The following DISC1 variants were observed in gnomAD, a reference collection of about 807,000 sequenced individuals.
DISC1 encodes DISC1 scaffold protein.
Under a neutral mutation model 84.5 loss-of-function variants are expected in DISC1, and 57 were observed. The observed-to-expected ratio is 0.67, with a 90% confidence interval of 0.55 to 0.84. The LOEUF (loss-of-function observed/expected upper bound fraction) is 0.84, where lower values mean the gene tolerates loss of function less well. DISC1 is among the 40% of genes least tolerant of loss of function. DISC1 has a pLI of 0.00. For missense variants in DISC1, 1,000 were observed against 1,057.8 expected (o/e 0.95, Z 0.76); for synonymous variants, 411 against 415.2 (o/e 0.99, Z 0.12).
At chr1:231,702,760 G>C (rs1308661019) in intron 3 of DISC1, 1 of 207,532 alleles carries the variant, frequency 4.8e-6, no homozygotes, top group Non-Finnish European at 8.4e-6. Flanking sequence ...TCAAAGGAAA[G>C]CTTTCAGGTA....
At chr1:231,798,342 G>T (rs1046207646) in intron 7 of DISC1, among the ~76,000 whole-genome samples, 1 of 152,112 alleles carries the variant, frequency 6.6e-6, no homozygotes, top group Non-Finnish European at 1.5e-5. Flanking sequence ...GAGCCTGAAA[G>T]AATGAACATT....
At chr1:231,655,000 T>C (rs1207828641) in intron 1 of DISC1, among the ~76,000 whole-genome samples, 1 of 152,214 alleles carries the variant, frequency 6.6e-6, no homozygotes, top group African/African-American at 2.4e-5. Flanking sequence ...CTCCTCAGAC[T>C]TTAGAAGCAG....
intron 1 of DISC1, among the ~76,000 whole-genome samples, chr1:231,641,091 A>G (rs2059612977): frequency 6.6e-6 from 1 of 152,230 alleles, no homozygotes; most frequent in Non-Finnish European, 1.5e-5. Context: ...GGAACTGTCA[A>G]GGTTCCCCAT....
At chr1:231,925,232 A>G (rs921040232) in intron 9 of DISC1, among the ~76,000 whole-genome samples, 9 of 152,304 alleles carry the variant, frequency 5.9e-5, no homozygotes, top group East Asian at 5.8e-4. Flanking sequence ...CACTGCTTGC[A>G]TGATCTTAGA....
intron 9 of DISC1, 97 bp downstream of exon 9, chr1:231,818,614 G>C: frequency 1.3e-6 from 2 of 1,552,098 alleles, no homozygotes; most frequent in Non-Finnish European, 8.7e-7. Context: ...GAACGTCACT[G>C]TGAAGAGCGT....
At chr1:231,854,164 G>A (rs2084096472) in intron 9 of DISC1, among the ~76,000 whole-genome samples, 1 of 152,110 alleles carries the variant, frequency 6.6e-6, no homozygotes, top group Non-Finnish European at 1.5e-5. Context: ...TTGTCTGGTG[G>A]GCCTGAGTTT....
At chr1:231,860,848 T>C (rs2084590675) in intron 9 of DISC1, among the ~76,000 whole-genome samples, 1 of 152,208 alleles carries the variant, frequency 6.6e-6, no homozygotes, top group African/African-American at 2.4e-5. Context: ...GACAAATCTT[T>C]CTAATCTAAG....
In DISC1 at chr1:232,031,345, G is replaced by T. The variant is rs555423787; in HGVS notation, c.2425+4793G>T. ...GAAAAGGAAAGGAAAAGGAAAAGAG[G>T]AAAGAAAAGGAAAGGGAAGGGAGAG... On this transcript the variant is annotated intron_variant, in intron 12 of 12. Coordinates refer to ENST00000439617, the MANE Select transcript of DISC1 (RefSeq NM_018662.3). This position sits in a 1 kb window ranked among gnomAD's most constrained non-coding sequence, Gnocchi z 4.6. Among the ~76,000 whole-genome samples the T allele has an allele frequency of 1.1e-4, 15 of 136,784 alleles. No individual in the cohort carries two copies. The East Asian group carries it at 2.9e-3, about 27-fold the overall frequency. 89.7% of individuals were successfully genotyped at this position (136,784 alleles called of 152,430 possible).
intron 8 of DISC1, among the ~76,000 whole-genome samples, chr1:231,803,146 AC>A (rs1381138100): frequency 2.6e-5 from 4 of 152,170 alleles, no homozygotes; most frequent in Non-Finnish European, 5.9e-5. Flanking sequence ...GGGAGAATCC[AC>A]ACCCAAGACG....
chr1:231,865,630 G>T (rs2084999814), intron 9 of DISC1, among the ~76,000 whole-genome samples: 1 of 152,200 alleles, frequency 6.6e-6, no homozygotes, highest in Admixed American at 6.5e-5. Flanking sequence ...CCAGCCTCTG[G>T]CAACCTCTGT....
At chr1:231,777,206 C>CT (rs1286225465) in intron 6 of DISC1, among the ~76,000 whole-genome samples, 7 of 151,912 alleles carry the variant, frequency 4.6e-5, no homozygotes, top group Non-Finnish European at 8.8e-5. Context: ...TTTTCCCCCT[C>CT]TTTTTTTTGG....
intron 9 of DISC1, among the ~76,000 whole-genome samples, chr1:231,895,148 A>T (rs2087584971): frequency 7.0e-6 from 1 of 143,008 alleles, no homozygotes; most frequent in East Asian, 2.0e-4. Context: ...TTAGTATTCT[A>T]TTTTATCTCT....
At chr1:231,766,964 T>C (rs985041149) in intron 4 of DISC1, among the ~76,000 whole-genome samples, 176 bp from the exon 5 acceptor site, 2 of 152,192 alleles carry the variant, frequency 1.3e-5, no homozygotes, top group African/African-American at 4.8e-5. Context: ...TCACAAGAGA[T>C]TGTAATTCAG....
chr1:232,008,195 C>G (rs1412298331), intron 10 of DISC1, among the ~76,000 whole-genome samples: 1 of 152,176 alleles, frequency 6.6e-6, no homozygotes, highest in Non-Finnish European at 1.5e-5. Flanking sequence ...AACATAGTTA[C>G]AAGCTCTGCC....
intron 10 of DISC1, among the ~76,000 whole-genome samples, chr1:231,971,479 G>A (rs1661947001): frequency 6.6e-6 from 1 of 152,092 alleles, no homozygotes; most frequent in South Asian, 2.1e-4. Flanking sequence ...CAGCAGCCGT[G>A]GCAAATGTAG....
intron 3 of DISC1, among the ~76,000 whole-genome samples, chr1:231,739,990 G>T (rs2073035393): frequency 1.3e-5 from 2 of 152,174 alleles, no homozygotes; most frequent in South Asian, 4.1e-4. Context: ...ATTAGGTCAT[G>T]AGGGTGGAGG....
At chr1:231,825,641 G>A (rs2081810165) in intron 9 of DISC1, among the ~76,000 whole-genome samples, 1 of 152,094 alleles carries the variant, frequency 6.6e-6, no homozygotes, top group African/African-American at 2.4e-5. Flanking sequence ...CACATCCCTG[G>A]TCATTGCCTG....
intron 9 of DISC1, among the ~76,000 whole-genome samples, chr1:231,879,874 G>A (rs772606255): frequency 6.6e-6 from 1 of 152,190 alleles, no homozygotes; most frequent in Non-Finnish European, 1.5e-5. Flanking sequence ...ATGTCCAAGT[G>A]GGAATCAAGG....
At chr1:231,693,642 A>C (rs756455683) in intron 1 of DISC1, among the ~76,000 whole-genome samples, 184 bp from the exon 2 acceptor site, 1 of 152,162 alleles carries the variant, frequency 6.6e-6, no homozygotes, top group African/African-American at 2.4e-5. Context: ...GTTCCAGGCA[A>C]ATACTTCCTG....
Sources: allele counts gnomAD v4.1 joint callset (sites outside exome capture counted in the v4.1 genomes callset), GRCh38; gene constraint gnomAD v4.1.1; non-coding constraint Gnocchi (gnomAD v3.1); transcripts MANE v1.5; gene names NCBI Gene and HGNC (gene_info 2026-07-23, HGNC 2026-07-21).